The following PDE10A variants were observed in gnomAD, a reference collection of about 807,000 sequenced individuals.
The protein encoded by PDE10A is phosphodiesterase 10A, also known as cAMP and cAMP-inhibited cGMP 3',5'-cyclic phosphodiesterase 10A.
Under a neutral mutation model 97.7 loss-of-function variants are expected in PDE10A, and 39 were observed. The ratio of observed to expected loss-of-function variants is 0.40; its 90% CI spans 0.31 to 0.52. PDE10A has a LOEUF of 0.52. PDE10A is among the 20% of genes least tolerant of loss of function. The pLI is 0.56. For missense variants in PDE10A, 731 were observed against 1,047.8 expected, an observed-to-expected ratio of 0.70 and a Z score of 4.17; for synonymous variants, 371 against 376.8, an observed-to-expected ratio of 0.98 and a Z score of 0.18.
chr6:165,878,303 G>C (rs772979591), intron 1 of PDE10A, among the ~76,000 whole-genome samples: 5 of 152,190 alleles, frequency 3.3e-5, no homozygotes, highest in East Asian at 3.9e-4. Context: ...CAGAAGTCAT[G>C]CATGGTCATT....
chr6:165,983,439 C>G lies in PDE10A; in HGVS notation c.-615+4090G>C, dbSNP rs79370722. Reference sequence around the variant, plus strand: ...TGGTAGGGAAGGAGGTGAACAGGACCGAAGGGCTTTAGTTCTCATGTTCAA... The same window carrying G: ...TGGTAGGGAAGGAGGTGAACAGGACGGAAGGGCTTTAGTTCTCATGTTCAA... On this transcript the variant is annotated intron_variant, in intron 1 of 19. Coordinates refer to the PDE10A transcript ENST00000366882. Among the ~76,000 whole-genome samples, 1,081 of 152,178 alleles carry G rather than the reference C, an allele frequency of 7.1e-3. 7 individuals carry two copies. The highest frequency in any genetic ancestry group is 0.025 in the African/African-American group (1,039 of 41,542).
chr6:165,379,061 T>G (rs190142811), intron 18 of PDE10A, 133 bp downstream of exon 18: 14 of 620,672 alleles, frequency 2.3e-5, no homozygotes, highest in Non-Finnish European at 3.8e-5. Flanking sequence ...AAGATGTACA[T>G]AAAGTGAAAA....
At chr6:165,559,863 T>C (rs1266770397) in intron 1 of PDE10A, among the ~76,000 whole-genome samples, 1 of 152,170 alleles carries the variant, frequency 6.6e-6, no homozygotes, top group African/African-American at 2.4e-5. Context: ...TCTTTCATTC[T>C]CTCTTGCCGC....
chr6:165,743,480 G>T (rs1792775376), intron 1 of PDE10A, among the ~76,000 whole-genome samples: 1 of 152,198 alleles, frequency 6.6e-6, no homozygotes, highest in Non-Finnish European at 1.5e-5. Context: ...CACAAAGGCT[G>T]CCTTCATTTG....
chr6:165,459,827 G>C (rs1046122203), intron 3 of PDE10A, among the ~76,000 whole-genome samples: 12 of 152,114 alleles, frequency 7.9e-5, no homozygotes, highest in African/African-American at 2.7e-4. Context: ...TACGTTTCCT[G>C]GAGCTTGCTT....
At chr6:165,729,089 C>CTA (rs1792363890) in intron 1 of PDE10A, among the ~76,000 whole-genome samples, 1 of 151,778 alleles carries the variant, frequency 6.6e-6, no homozygotes, top group African/African-American at 2.4e-5. Flanking sequence ...GTGGTCCCAG[C>CTA]TACTTGGGAG....
Position 165,395,223 on chromosome 6 carries a change from C to G in PDE10A, c.2261G>C (p.Gly754Ala). Residue 754 changes from glycine (G) to alanine (A), a missense_variant, in exon 15 of 22, where the codon GGA (glycine) becomes GCA (alanine). By Grantham distance (60) the Gly-to-Ala change is moderately conservative. Transcript: ENST00000539869. The stretch of plus-strand genomic sequence containing the variant: ...CCGATGAACCATGTAGACAAAAATT[C>G]CAGGCCACATGTTTTCAAAAGGACC... ...DIGPFENMWP[G>A]IFVYMVHRSC... The G allele has an allele frequency of 6.2e-7, 1 of 1,613,392 alleles. No individual in the cohort carries two copies. The highest frequency in any genetic ancestry group is 1.3e-5 in the African/African-American group (1 of 74,984).
At chr6:165,704,070 G>T (rs1327548791) in intron 1 of PDE10A, among the ~76,000 whole-genome samples, 1 of 152,186 alleles carries the variant, frequency 6.6e-6, no homozygotes, top group Non-Finnish European at 1.5e-5. Context: ...AAACTCAACT[G>T]CAGCCGTGCC....
chr6:165,630,571 G>A (rs1281898420), intron 1 of PDE10A, among the ~76,000 whole-genome samples: 4 of 152,220 alleles, frequency 2.6e-5, no homozygotes, highest in East Asian at 3.9e-4. Context: ...ACTTGTCTCC[G>A]GGGTAGAGAC....
chr6:165,707,881 G>GA (rs1349217645), intron 1 of PDE10A, among the ~76,000 whole-genome samples: 1 of 152,064 alleles, frequency 6.6e-6, no homozygotes, highest in Non-Finnish European at 1.5e-5. Context: ...GATCAAGGCT[G>GA]AACACAAAGG....
At chr6:165,650,004 T>C (rs907543309) in intron 1 of PDE10A, among the ~76,000 whole-genome samples, 2 of 152,188 alleles carry the variant, frequency 1.3e-5, no homozygotes, top group South Asian at 4.1e-4. Context: ...GCTGATAAGA[T>C]AACCACAAGG....
At chr6:165,510,662 T>C (rs559218637) in intron 2 of PDE10A, among the ~76,000 whole-genome samples, 1 of 152,168 alleles carries the variant, frequency 6.6e-6, no homozygotes, top group East Asian at 1.9e-4. Context: ...TCCTGAGCTT[T>C]TCTTTATTGG....
At chr6:165,570,510 T>C (rs1056856425) in intron 1 of PDE10A, among the ~76,000 whole-genome samples, 17 of 152,214 alleles carry the variant, frequency 1.1e-4, no homozygotes, top group African/African-American at 3.1e-4. Flanking sequence ...GCTTTGTTAA[T>C]ATCAAGAAAA....
intron 3 of PDE10A, among the ~76,000 whole-genome samples, chr6:165,453,792 G>C (rs571374502): frequency 6.6e-6 from 1 of 152,204 alleles, no homozygotes; most frequent in African/African-American, 2.4e-5. Flanking sequence ...TACAGCAGTG[G>C]AGCCCGCACA....
chr6:165,406,779 A>G (rs1298778568), intron 13 of PDE10A, among the ~76,000 whole-genome samples: 5 of 152,162 alleles, frequency 3.3e-5, no homozygotes, highest in African/African-American at 4.8e-5. Flanking sequence ...GCACCATGCA[A>G]CTGGCTGAGG....
At chr6:165,814,725 A>G (rs936749109) in intron 1 of PDE10A, among the ~76,000 whole-genome samples, 1 of 152,138 alleles carries the variant, frequency 6.6e-6, no homozygotes, top group African/African-American at 2.4e-5. Context: ...AGAAGAGCCA[A>G]CCCTATCTGG....
chr6:165,672,201 T>A (rs1199210373), intron 1 of PDE10A, among the ~76,000 whole-genome samples: 2 of 152,242 alleles, frequency 1.3e-5, no homozygotes, highest in Non-Finnish European at 2.9e-5. Flanking sequence ...TTCTCATGTA[T>A]ACCTTACTGG....
intron 18 of PDE10A, among the ~76,000 whole-genome samples, chr6:165,366,984 C>T (rs903500448): frequency 1.3e-5 from 2 of 151,988 alleles, no homozygotes; most frequent in African/African-American, 4.8e-5. Context: ...TGTAAAGAAA[C>T]TGAAAAATGT....
intron 1 of PDE10A, among the ~76,000 whole-genome samples, chr6:165,836,667 T>C (rs886149055): frequency 3.7e-4 from 56 of 152,210 alleles, no homozygotes; most frequent in Non-Finnish European, 5.1e-4. Flanking sequence ...AAATGACAGG[T>C]TCAGATTGGC....
Sources: allele counts gnomAD v4.1 joint callset (sites outside exome capture counted in the v4.1 genomes callset), GRCh38; gene constraint gnomAD v4.1.1; transcripts MANE v1.5; gene names NCBI Gene and HGNC (gene_info 2026-07-23, HGNC 2026-07-21).